Variants in YWHAB observed in about 807,000 individuals in gnomAD.
The protein encoded by YWHAB is 14-3-3 protein beta/alpha.
A neutral mutation model predicts 28.5 loss-of-function variants in YWHAB; 2 were observed. That is an observed-to-expected ratio of 0.07 (90% CI 0.03 to 0.22). The LOEUF (loss-of-function observed/expected upper bound fraction) is 0.22, where lower values mean the gene tolerates loss of function less well. Among genes scored for constraint, YWHAB ranks in the 10% least tolerant of loss-of-function variants. The pLI is 1.00. For synonymous variants in YWHAB, 103 were observed against 104.7 expected, an observed-to-expected ratio of 0.98 and a Z score of 0.10; for missense variants, 148 against 297.1, an observed-to-expected ratio of 0.50 and a Z score of 3.69.
chr20:44,906,794 G>C lies in YWHAB; in HGVS notation c.*356G>C, dbSNP rs1183652243. 6.0e-6 allele frequency: 1 copy of C among 166,520 alleles called. No homozygotes were observed. The highest frequency in any genetic ancestry group is 1.3e-5 in the Non-Finnish European group (1 of 76,028). 10.3% of individuals were successfully genotyped at this position (166,520 alleles called of 1,614,324 possible). On this transcript the variant is annotated 3_prime_UTR_variant, in exon 6 of 6. Transcript: ENST00000353703. ...CTGAATTATGTGTAACTTTTTGGAA[G>C]GTTTAATCTGATATCAAAATAATCA... is the stretch of plus-strand genomic sequence containing the variant.
Position 44,901,625 on chromosome 20 carries a change from T to G in YWHAB, c.92T>G (p.Val31Gly). The stretch of plus-strand genomic sequence containing the variant: ...GATATGGCTGCAGCCATGAAGGCAG[T>G]CACAGAACAGGGGCATGAACTCTCC... ...YDDMAAAMKA[V>G]TEQGHELSNE... is the part of the protein sequence containing the mutation. Residue 31 changes from valine (V) to glycine (G), a missense_variant, in exon 2 of 6, where the codon GTC (valine) becomes GGC (glycine). By Grantham distance (109) the Val-to-Gly change is moderately radical. Transcript: ENST00000353703. 6.2e-7 allele frequency: 1 copy of G among 1,614,148 alleles called. No homozygotes were observed. The highest frequency in any genetic ancestry group is 8.5e-7 in the Non-Finnish European group (1 of 1,180,002).
chr20:44,890,940 TAAAG>T (rs911270232), intron 1 of YWHAB, among the ~76,000 whole-genome samples: 7 of 152,188 alleles, frequency 4.6e-5, no homozygotes, highest in African/African-American at 1.7e-4. Flanking sequence ...TAAAAGTCTT[TAAAG>T]AAAGCAGAGT....
At chr20:44,892,712 T>G (rs1378958548) in intron 1 of YWHAB, among the ~76,000 whole-genome samples, 1 of 152,360 alleles carries the variant, frequency 6.6e-6, no homozygotes, top group South Asian at 2.1e-4. Context: ...ATGTTCATTA[T>G]CTTATTTGAT....
rs1173550718 is a variant in YWHAB, at chr20:44,906,548, C to A, written c.*110C>A. 3.1e-6 allele frequency: 3 copies of A among 967,582 alleles called. No homozygotes were observed. The highest frequency in any genetic ancestry group is 4.4e-6 in the Non-Finnish European group (3 of 685,672). 59.9% of individuals were successfully genotyped at this position (967,582 alleles called of 1,614,324 possible). A position where few individuals can be genotyped will look rare whatever the true frequency, so the allele number is the denominator to read the frequency against. On this transcript the variant is annotated 3_prime_UTR_variant, in exon 6 of 6. Transcript: ENST00000353703. ...AAAAAGAGAATCGTACGTCGACTTT[C>A]GATTTTTCACAGCCTCAGCCTAGGA...
rs753129464 is a variant in YWHAB, at chr20:44,906,114, AG to A, written c.684+21del. The A allele has an allele frequency of 1.2e-4, 189 of 1,574,522 alleles. No individual in the cohort carries two copies. Among genetic ancestry groups the A allele is most frequent in the Non-Finnish European group, 1.6e-4 (189 of 1,146,032 alleles). ...ATCTCACTGTAAGTACTACTTCCAC[AG>A]GGTTTATAGTCTCTTTCCTATTCAC... On this transcript the variant is annotated intron_variant, in intron 5 of 5. Transcript: ENST00000353703.
intron 1 of YWHAB, among the ~76,000 whole-genome samples, chr20:44,888,038 T>C (rs990135645): frequency 3.3e-5 from 5 of 152,256 alleles, no homozygotes; most frequent in African/African-American, 1.2e-4. Context: ...CCAGTCTTTC[T>C]GAATCATTTT....
In YWHAB at chr20:44,906,448, T is replaced by G; in HGVS notation, c.*10T>G. On this transcript the variant is annotated 3_prime_UTR_variant, in exon 6 of 6. Coordinates refer to ENST00000353703, the MANE Select transcript of YWHAB (RefSeq NM_139323.4). ...GGAGGGAGAGAACTAATGTTTCTCG[T>G]GCTTTGTGATCTGTTCAGTGTCACT... The G allele has an allele frequency of 5.6e-6, 9 of 1,610,302 alleles. No individual in the cohort carries two copies. Among genetic ancestry groups the G allele is most frequent in the Non-Finnish European group, 5.9e-6 (7 of 1,178,780 alleles).
intron 1 of YWHAB, among the ~76,000 whole-genome samples, chr20:44,893,247 A>G (rs1365538216): frequency 6.6e-6 from 1 of 152,138 alleles, no homozygotes; most frequent in East Asian, 1.9e-4. Context: ...TGTTTCCTAG[A>G]TCCTCTATTT....
At chr20:44,896,312 A>G (rs1230065240) in intron 1 of YWHAB, among the ~76,000 whole-genome samples, 3 of 152,238 alleles carry the variant, frequency 2.0e-5, no homozygotes, top group African/African-American at 7.2e-5. Context: ...AGCTATGGCT[A>G]TGGCTTAAAC....
Position 44,907,724 on chromosome 20 carries a change from A to G in YWHAB, c.*1286A>G, listed in dbSNP as rs571663423. 1.3e-5 allele frequency: 2 copies of G among 152,252 alleles called. No homozygotes were observed. The highest frequency in any genetic ancestry group is 4.1e-4 in the South Asian group (2 of 4,832). 9.4% of individuals were successfully genotyped at this position (152,252 alleles called of 1,614,324 possible). A position where few individuals can be genotyped will look rare whatever the true frequency, so the allele number is the denominator to read the frequency against. ...CTATATATGGGCAGGGGTGAGAGAC[A>G]TTACTGAGCACCTTGGTGAGCAAGC... On this transcript the variant is annotated 3_prime_UTR_variant, in exon 6 of 6. Transcript: ENST00000353703.
chr20:44,908,423 A>G lies in YWHAB; in HGVS notation c.*1985A>G, dbSNP rs1257634327. 1 of 152,660 alleles carries G rather than the reference A, an allele frequency of 6.6e-6. No individual in the cohort carries two copies. Among genetic ancestry groups the G allele is most frequent in the Non-Finnish European group, 1.5e-5 (1 of 68,042 alleles). 9.5% of individuals were successfully genotyped at this position (152,660 alleles called of 1,614,324 possible). A position where few individuals can be genotyped will look rare whatever the true frequency, so the allele number is the denominator to read the frequency against. ...AAATCCCCGGTTATTGATGTACTAG[A>G]TTTGTGTATGTCTTTTAAACAGTTC... On this transcript the variant is annotated 3_prime_UTR_variant, in exon 6 of 6. Coordinates refer to ENST00000353703, the MANE Select transcript of YWHAB (RefSeq NM_139323.4).
Position 44,901,410 on chromosome 20 carries a change from G to T in YWHAB, c.-3-121G>T, listed in dbSNP as rs143822261. 304 of 1,011,098 alleles carry T rather than the reference G, an allele frequency of 3.0e-4. No individual in the cohort carries two copies. The African/African-American group carries it at 4.4e-3, about 15-fold the overall frequency. 62.6% of individuals were successfully genotyped at this position (1,011,098 alleles called of 1,614,324 possible). ...TCATCAATATTGTTGATGGCATTTG[G>T]AATGAGATGTTTCACATTTAGTATG... On this transcript the variant is annotated intron_variant, in intron 1 of 5. Coordinates refer to ENST00000353703, the MANE Select transcript of YWHAB (RefSeq NM_139323.4).
rs11544163 is a variant in YWHAB at position 44,901,702 on chromosome 20, C to A, written c.169C>A (p.Arg57Ser). The A allele has an allele frequency of 6.2e-7, 1 of 1,613,952 alleles. No homozygotes were observed. ...TGCCTACAAGAATGTGGTAGGCGCCCGCCGCTCTTCCTGGCGTGTCATCTC... is the reference window on the plus strand; with the variant it reads ...TGCCTACAAGAATGTGGTAGGCGCCAGCCGCTCTTCCTGGCGTGTCATCTC... ...SVAYKNVVGA[R>S]RSSWRVISSI... Residue 57 changes from arginine (R) to serine (S), a missense_variant, in exon 2 of 6, where the codon CGC (arginine) becomes AGC (serine). By Grantham distance (110) the Arg-to-Ser change is moderately radical. Coordinates refer to ENST00000353703, the MANE Select transcript of YWHAB (RefSeq NM_139323.4).
chr20:44,889,883 T>G (rs572837301), intron 1 of YWHAB, among the ~76,000 whole-genome samples: 1 of 152,196 alleles, frequency 6.6e-6, no homozygotes, highest in Admixed American at 6.5e-5. Context: ...CTTTAGGAGA[T>G]AGGGTTACAT....
At chr20:44,905,310 C>A (rs2066649721) in intron 4 of YWHAB, 179 bp downstream of exon 4, 1 of 526,228 alleles carries the variant, frequency 1.9e-6, no homozygotes. Flanking sequence ...ATTCTCAATA[C>A]CTTCTGCTGA....
chr20:44,893,035 T>C (rs1470224348), intron 1 of YWHAB, among the ~76,000 whole-genome samples: 3 of 152,212 alleles, frequency 2.0e-5, no homozygotes, highest in African/African-American at 7.2e-5. Context: ...AGCTGTCATT[T>C]TCAACCCTTT....
chr20:44,891,346 T>TC (rs2066560788), intron 1 of YWHAB, among the ~76,000 whole-genome samples: 1 of 151,948 alleles, frequency 6.6e-6, no homozygotes. Flanking sequence ...CCTCAAGTGA[T>TC]CACCCTCCTC....
intron 1 of YWHAB, among the ~76,000 whole-genome samples, chr20:44,892,882 G>A (rs1320782514): frequency 1.3e-5 from 2 of 152,050 alleles, no homozygotes; most frequent in Non-Finnish European, 2.9e-5. Flanking sequence ...ATAGAGCTTG[G>A]GTAATTCCTG....
At chr20:44,895,595 A>G (rs2066591332) in intron 1 of YWHAB, among the ~76,000 whole-genome samples, 1 of 152,158 alleles carries the variant, frequency 6.6e-6, no homozygotes, top group Admixed American at 6.5e-5. Context: ...CAGCCTCCCA[A>G]GTAGCTGGGA....
Sources: allele counts gnomAD v4.1 joint callset (sites outside exome capture counted in the v4.1 genomes callset), GRCh38; gene constraint gnomAD v4.1.1; transcripts MANE v1.5; gene names NCBI Gene and HGNC (gene_info 2026-07-23, HGNC 2026-07-21).